Variants in EEA1 observed in about 807,000 individuals in gnomAD.
EEA1 encodes the protein early endosome antigen 1.
In EEA1, 111 loss-of-function variants were observed where a neutral mutation model predicts 209.2. That is an observed-to-expected ratio of 0.53 (90% CI 0.45 to 0.62). The LOEUF is 0.62. Ranked by LOEUF, EEA1 falls within the 20% of genes least tolerant of loss-of-function variation. The pLI is 0.00. For synonymous variants in EEA1, 536 were observed against 540.6 expected (o/e 0.99, Z 0.12); for missense variants, 1,343 against 1,530.8 (o/e 0.88, Z 2.05).
In EEA1 at chr12:92,781,995, T is replaced by C. The variant is rs1565805678; in HGVS notation, c.3291A>G (p.Gln1097=). ...LEQDSAKKEQ[Q]LQERCKALQD... ...GTAGTGCTTTACATCGCTCCTGCAA[T>C]TGCTGTTCTTTCTTTGCTGAATCCT... Residue 1097 remains glutamine, a synonymous_variant, in exon 23 of 29, where the codon CAA becomes CAG. Transcript: ENST00000322349. 6.2e-7 allele frequency: 1 copy of C among 1,613,512 alleles called. No individual in the cohort carries two copies. The highest frequency in any genetic ancestry group is 8.5e-7 in the Non-Finnish European group (1 of 1,179,622).
intron 1 of EEA1, among the ~76,000 whole-genome samples, chr12:92,906,917 A>G (rs904620519): frequency 6.6e-6 from 1 of 152,226 alleles, no homozygotes; most frequent in South Asian, 2.1e-4. Flanking sequence ...ATTTTCACAA[A>G]AAGTTTGAAA....
At chr12:92,905,157 C>T (rs892839570) in intron 1 of EEA1, among the ~76,000 whole-genome samples, 6 of 152,080 alleles carry the variant, frequency 3.9e-5, no homozygotes, top group Non-Finnish European at 7.4e-5. Flanking sequence ...TTCCTTTCAC[C>T]TCCATCACTC....
At chr12:92,872,745 G>A (rs1478025902) in intron 2 of EEA1, among the ~76,000 whole-genome samples, 2 of 152,148 alleles carry the variant, frequency 1.3e-5, no homozygotes, top group Non-Finnish European at 2.9e-5. Flanking sequence ...TTGAGGTCAG[G>A]AGTTCGAGAC....
chr12:92,807,384 T>G (rs1875265333), intron 18 of EEA1, among the ~76,000 whole-genome samples: 1 of 152,096 alleles, frequency 6.6e-6, no homozygotes, highest in Non-Finnish European at 1.5e-5. Flanking sequence ...AGATTAGAAA[T>G]AATGCAAAGA....
intron 15 of EEA1, among the ~76,000 whole-genome samples, chr12:92,814,392 T>C (rs1875676592): frequency 6.6e-6 from 1 of 152,226 alleles, no homozygotes; most frequent in African/African-American, 2.4e-5. Flanking sequence ...AAGTCAGCTT[T>C]ATTTACATAC....
rs1394411103 is a variant in EEA1, at chr12:92,772,811, T to C, written c.*3200A>G. The C allele has an allele frequency of 1.3e-5, 2 of 152,256 alleles. No individual in the cohort carries two copies. Among genetic ancestry groups the C allele is most frequent in the African/African-American group, 4.8e-5 (2 of 41,426 alleles). 9.4% of individuals were successfully genotyped at this position (152,256 alleles called of 1,614,324 possible). ...CATAAGTATCTACAGAACTTATGAA[T>C]ATATGATCCAGTTCAAGGAATTACA... On this transcript the variant is annotated 3_prime_UTR_variant, in exon 29 of 29. Coordinates refer to ENST00000322349, the MANE Select transcript of EEA1 (RefSeq NM_003566.4).
At chr12:92,894,129 G>A (rs1176154845) in intron 1 of EEA1, among the ~76,000 whole-genome samples, 1 of 151,976 alleles carries the variant, frequency 6.6e-6, no homozygotes, top group East Asian at 1.9e-4. Flanking sequence ...GATCTTTGAA[G>A]TTACTACTGC....
chr12:92,789,633 T>A (rs561729962), intron 21 of EEA1, among the ~76,000 whole-genome samples: 1 of 152,134 alleles, frequency 6.6e-6, no homozygotes, highest in Non-Finnish European at 1.5e-5. Flanking sequence ...TCGAACTGGG[T>A]GGAGCCCACC....
chr12:92,874,545 T>C (rs1878794302), intron 2 of EEA1, among the ~76,000 whole-genome samples: 1 of 152,138 alleles, frequency 6.6e-6, no homozygotes, highest in African/African-American at 2.4e-5. Context: ...TTTGTATTTT[T>C]AGTAGAGACG....
chr12:92,781,051 C>T (rs895472758), intron 23 of EEA1, among the ~76,000 whole-genome samples: 6 of 152,196 alleles, frequency 3.9e-5, no homozygotes, highest in Non-Finnish European at 8.8e-5. Context: ...GGTGGGACTA[C>T]AGGTGTGCAC....
intron 19 of EEA1, 140 bp downstream of exon 19, chr12:92,802,264 C>T (rs1368031086): frequency 1.3e-6 from 1 of 758,860 alleles, no homozygotes; most frequent in Non-Finnish European, 2.0e-6. Flanking sequence ...GTTAAGCAAT[C>T]CCAATTAATT....
At position 92,813,080 on chromosome 12, in the gene EEA1, G is replaced by T; in HGVS notation, c.1943C>A (p.Thr648Asn). ...SQLDIQIKAK[T>N]ELLLSAEAAK... ...TGCTTCTGCTGATAGTAATAGTTCGGTTTTGGCTTTAATCTGTAACAGCAT... is the reference window on the plus strand; with the variant it reads ...TGCTTCTGCTGATAGTAATAGTTCGTTTTTGGCTTTAATCTGTAACAGCAT... Residue 648 changes from threonine (T) to asparagine (N), a missense_variant, in exon 16 of 29, where the codon ACC becomes AAC. By Grantham distance (65) the Thr-to-Asn change is moderately conservative. Around this residue, in one of 3 missense-constraint regions of EEA1, gnomAD observed 1,307 missense variants for 1,465.5 expected, o/e 0.89. Coordinates refer to ENST00000322349, the MANE Select transcript of EEA1 (RefSeq NM_003566.4). 6.3e-7 allele frequency: 1 copy of T among 1,581,738 alleles called. No homozygotes were observed. Among genetic ancestry groups the T allele is most frequent in the Non-Finnish European group, 8.6e-7 (1 of 1,159,040 alleles).
chr12:92,783,356 T>C (rs1275522621), intron 22 of EEA1, among the ~76,000 whole-genome samples: 1 of 152,218 alleles, frequency 6.6e-6, no homozygotes, highest in Non-Finnish European at 1.5e-5. Context: ...GTCTTCTGTG[T>C]TGATGATTGT....
chr12:92,850,135 A>C (rs1287150725), intron 9 of EEA1, among the ~76,000 whole-genome samples: 1 of 152,246 alleles, frequency 6.6e-6, no homozygotes, highest in Non-Finnish European at 1.5e-5. Flanking sequence ...AAATATGAGC[A>C]GTCTTCAAAT....
At chr12:92,827,826 A>G (rs574727085) in intron 12 of EEA1, 86 bp downstream of exon 12, 109 of 1,351,526 alleles carry the variant, frequency 8.1e-5, no homozygotes, top group Non-Finnish European at 9.9e-5. Flanking sequence ...AAGTCCAATT[A>G]AAGCTTTGAC....
chr12:92,787,974 A>T lies in EEA1; in HGVS notation c.3043T>A (p.Ser1015Thr), dbSNP rs543467954. 91 of 1,612,992 alleles carry T rather than the reference A, an allele frequency of 5.6e-5. No homozygotes were observed. The highest frequency in any genetic ancestry group is 7.5e-5 in the Non-Finnish European group (88 of 1,179,564). The change falls in exon 22 of 29, where the codon TCA (serine) becomes ACA (threonine). Residue 1015 changes from serine (S) to threonine (T), a missense_variant. Around this residue, in one of 3 missense-constraint regions of EEA1, gnomAD observed 1,307 missense variants for 1,465.5 expected, o/e 0.89. Coordinates refer to ENST00000322349, the MANE Select transcript of EEA1 (RefSeq NM_003566.4). ...QELAAEKEKISVLQNNYEKSQ... is the reference protein window; with the variant it reads ...QELAAEKEKITVLQNNYEKSQ... ...TTTTCATAGTTGTTTTGTAATACTG[A>T]TATTTTCTCTTTCTCTGCTGCAAGT... is the stretch of plus-strand genomic sequence containing the variant.
chr12:92,881,555 G>C (rs948176977), intron 2 of EEA1, among the ~76,000 whole-genome samples: 1 of 152,196 alleles, frequency 6.6e-6, no homozygotes, highest in Non-Finnish European at 1.5e-5. Flanking sequence ...AGAAGCACAA[G>C]AAAGACTGCG....
At chr12:92,863,127 G>A (rs1044503460) in intron 3 of EEA1, among the ~76,000 whole-genome samples, 1 of 152,232 alleles carries the variant, frequency 6.6e-6, no homozygotes. Flanking sequence ...ACAATGGTAT[G>A]TCATCTCAGA....
chr12:92,827,760 A>C, intron 12 of EEA1, 152 bp downstream of exon 12: 1 of 714,092 alleles, frequency 1.4e-6, no homozygotes, highest in South Asian at 3.2e-5. Flanking sequence ...AAAATGACTT[A>C]ATGTAGTTAA....
Sources: allele counts gnomAD v4.1 joint callset (sites outside exome capture counted in the v4.1 genomes callset), GRCh38; gene constraint gnomAD v4.1.1; regional missense constraint gnomAD v4.1.1; transcripts MANE v1.5; gene names NCBI Gene and HGNC (gene_info 2026-07-23, HGNC 2026-07-21).